Variants in CRIM1 observed in about 807,000 individuals in gnomAD.
CRIM1 encodes cysteine-rich motor neuron 1 protein.
CRIM1 carries 32 observed loss-of-function variants against 116.4 expected under a neutral mutation model. That is an observed-to-expected ratio of 0.27 (90% CI 0.21 to 0.37). The LOEUF is 0.37. CRIM1 is among the 10% of genes least tolerant of loss of function. The pLI is 1.00. For synonymous variants in CRIM1, 590 were observed against 509.2 expected (o/e 1.16, Z -2.13); for missense variants, 1,331 against 1,354.8 (o/e 0.98, Z 0.28).
At position 36,441,267 on chromosome 2, in the gene CRIM1, C is replaced by A. The variant is rs766992854; in HGVS notation, c.515C>A (p.Pro172Gln). The change falls in exon 3 of 17, where the codon CCA (proline) becomes CAA (glutamine). Residue 172 changes from proline (P) to glutamine (Q), a missense_variant. Pro to Gln is a moderately conservative substitution (Grantham distance 76). This residue lies in a region of CRIM1 where 690 missense variants were observed against 676.0 expected (regional missense o/e 1.02). Transcript: ENST00000280527. ...SALKRIEEEK[P>Q]DCSKARCEVQ... Reference sequence around the variant, plus strand: ...TTTCTCTCCCTTTTAGAAGAGAAGCCAGATTGCTCCAAGGCCCGCTGTGAA... The same window carrying A: ...TTTCTCTCCCTTTTAGAAGAGAAGCAAGATTGCTCCAAGGCCCGCTGTGAA... 18 of 1,614,160 alleles carry A rather than the reference C, an allele frequency of 1.1e-5. No individual in the cohort carries two copies. The South Asian group carries it at 2.0e-4, about 18-fold the overall frequency.
chr2:36,457,350 G>A (rs188287960), intron 4 of CRIM1, among the ~76,000 whole-genome samples: 224 of 148,190 alleles, frequency 1.5e-3, no homozygotes, highest in Non-Finnish European at 1.7e-3. Flanking sequence ...AAAACAAAGC[G>A]TAAAACAACA....
chr2:36,445,907 G>T (rs980368560), intron 4 of CRIM1, among the ~76,000 whole-genome samples: 2 of 152,168 alleles, frequency 1.3e-5, no homozygotes, highest in African/African-American at 4.8e-5. Context: ...TAGGCATAAA[G>T]AAGAAGATTA....
rs926950984 is a variant in CRIM1 at position 36,549,778 on chromosome 2, A to C, written c.*1077A>C. The C allele has an allele frequency of 3.9e-5, 6 of 152,218 alleles. No homozygotes were observed. Among genetic ancestry groups the C allele is most frequent in the African/African-American group, 1.2e-4 (5 of 41,436 alleles). 9.4% of individuals were successfully genotyped at this position (152,218 alleles called of 1,614,324 possible). On this transcript the variant is annotated 3_prime_UTR_variant, in exon 17 of 17. Coordinates refer to ENST00000280527, the MANE Select transcript of CRIM1 (RefSeq NM_016441.3). Reference sequence around the variant, plus strand: ...CTCTTTAAACTTTAGCAATTATAGGAGTATTTATGTAACTATCTTATGCTT... The same window carrying C: ...CTCTTTAAACTTTAGCAATTATAGGCGTATTTATGTAACTATCTTATGCTT...
At chr2:36,416,499 T>C (rs561521705) in intron 2 of CRIM1, among the ~76,000 whole-genome samples, 1 of 152,256 alleles carries the variant, frequency 6.6e-6, no homozygotes. Context: ...ATAAAACACA[T>C]TCAGAATTTA....
At chr2:36,522,417 C>T in intron 13 of CRIM1, 104 bp downstream of exon 13, 1 of 858,340 alleles carries the variant, frequency 1.2e-6, no homozygotes, top group South Asian at 1.5e-5. Flanking sequence ...CTGGTTTTTT[C>T]CCTGCTTGAC....
At chr2:36,436,050 A>G (rs924707072) in intron 2 of CRIM1, among the ~76,000 whole-genome samples, 3 of 152,050 alleles carry the variant, frequency 2.0e-5, no homozygotes, top group Non-Finnish European at 2.9e-5. Context: ...TCAAATAGAT[A>G]AAATTAAAAA....
At chr2:36,386,228 G>T (rs1292866618) in intron 1 of CRIM1, among the ~76,000 whole-genome samples, 2 of 152,168 alleles carry the variant, frequency 1.3e-5, no homozygotes, top group Non-Finnish European at 2.9e-5. Context: ...GCATTAACGT[G>T]TGTCACATTA....
chr2:36,511,868 G>A (rs906363731), intron 9 of CRIM1, among the ~76,000 whole-genome samples: 3 of 150,028 alleles, frequency 2.0e-5, no homozygotes, highest in East Asian at 2.0e-4. Flanking sequence ...AGGGAGGGAC[G>A]GATGGATCGT....
At chr2:36,383,759 C>G (rs1156332385) in intron 1 of CRIM1, among the ~76,000 whole-genome samples, 2 of 152,082 alleles carry the variant, frequency 1.3e-5, no homozygotes, top group Admixed American at 6.5e-5. Flanking sequence ...GATACTTAAG[C>G]TGGGCACACT....
intron 15 of CRIM1, among the ~76,000 whole-genome samples, chr2:36,545,511 A>G (rs946604660): frequency 4.6e-5 from 7 of 152,164 alleles, no homozygotes; most frequent in Admixed American, 4.6e-4. Context: ...CCTAAAGAGA[A>G]ATTTTCTCAT....
At chr2:36,449,793 G>T (rs763600907) in intron 4 of CRIM1, among the ~76,000 whole-genome samples, 1 of 151,942 alleles carries the variant, frequency 6.6e-6, no homozygotes, top group Non-Finnish European at 1.5e-5. Flanking sequence ...GAGATATATG[G>T]CTCGCCTAGG....
intron 1 of CRIM1, among the ~76,000 whole-genome samples, chr2:36,390,452 C>T (rs951322519): frequency 1.3e-5 from 2 of 152,160 alleles, no homozygotes; most frequent in African/African-American, 4.8e-5. Context: ...CTCCACACTC[C>T]GAAGCTCATT....
chr2:36,512,130 C>CAAAG, intron 9 of CRIM1, 143 bp from the exon 10 acceptor site: 1 of 924,962 alleles, frequency 1.1e-6, no homozygotes, highest in Non-Finnish European at 1.6e-6. Context: ...GCTAATTACC[C>CAAAG]ATCACTCCAG....
At chr2:36,548,441 G>C in intron 16 of CRIM1, 84 bp from the exon 17 acceptor site, 1 of 989,330 alleles carries the variant, frequency 1.0e-6, no homozygotes, top group African/African-American at 1.6e-5. Context: ...TATCTCACCT[G>C]AGTTAGGTAC....
In CRIM1 at chr2:36,479,352, C is replaced by A. The variant is rs1679227268; in HGVS notation, c.1175-145C>A. The A allele has an allele frequency of 7.0e-6, 5 of 718,376 alleles. No individual in the cohort carries two copies. In the South Asian group the frequency reaches 9.0e-5, roughly 13 times the overall value. The allele number at this position is 718,376 out of a possible 1,614,324, so 44.5% of individuals were successfully genotyped here. ...TCTTTTGCATGCACCCCCAGAGACT[C>A]CTCATGCAACCCTGCGCTTCTGTTG... On this transcript the variant is annotated intron_variant, in intron 6 of 16. Transcript: ENST00000280527.
chr2:36,441,252 T>G lies in CRIM1; in HGVS notation c.506-6T>G. On this transcript the variant is annotated splice_region_variant and splice_polypyrimidine_tract_variant and intron_variant, in intron 2 of 16. Coordinates refer to ENST00000280527, the MANE Select transcript of CRIM1 (RefSeq NM_016441.3). Reference sequence around the variant, plus strand: ...GCATAAGCTAAATTCTTTCTCTCCCTTTTAGAAGAGAAGCCAGATTGCTCC... The same window carrying G: ...GCATAAGCTAAATTCTTTCTCTCCCGTTTAGAAGAGAAGCCAGATTGCTCC... The G allele has an allele frequency of 6.2e-7, 1 of 1,613,794 alleles. No homozygotes were observed. The highest frequency in any genetic ancestry group is 2.2e-5 in the East Asian group (1 of 44,858).
chr2:36,507,792 C>T (rs1223360720), intron 8 of CRIM1, among the ~76,000 whole-genome samples: 2 of 152,198 alleles, frequency 1.3e-5, no homozygotes, highest in Non-Finnish European at 2.9e-5. Flanking sequence ...AAAGGTGAAG[C>T]ACATTCAAGA....
At chr2:36,395,161 T>C (rs563579407) in intron 1 of CRIM1, among the ~76,000 whole-genome samples, 1 of 152,100 alleles carries the variant, frequency 6.6e-6, no homozygotes, top group Non-Finnish European at 1.5e-5. Flanking sequence ...ACCACAGGCA[T>C]GCGCCACCAT....
At chr2:36,540,755 CAGAG>C (rs765010619) in intron 14 of CRIM1, among the ~76,000 whole-genome samples, 1 of 152,158 alleles carries the variant, frequency 6.6e-6, no homozygotes, top group Non-Finnish European at 1.5e-5. Flanking sequence ...AGGACTAAAG[CAGAG>C]AGAGACCAGA....
Sources: gnomAD v4.1 joint callset for allele counts (sites outside exome capture counted in the v4.1 genomes callset) on GRCh38, gnomAD v4.1.1 for gene constraint, gnomAD v4.1.1 regional missense constraint, MANE v1.5 for transcripts, NCBI Gene and HGNC (gene_info 2026-07-23, HGNC 2026-07-21) for gene names.